The following SGIP1 variants were observed in gnomAD, a reference collection of about 807,000 sequenced individuals.
SGIP1 encodes the protein SH3-containing GRB2-like protein 3-interacting protein 1.
Under a neutral mutation model 107.5 loss-of-function variants are expected in SGIP1, and 38 were observed. The observed-to-expected ratio is 0.35, with a 90% CI of 0.27 to 0.46. The LOEUF is 0.46. Among genes scored for constraint, SGIP1 ranks in the 20% least tolerant of loss-of-function variants. The probability of loss-of-function intolerance (pLI) is 1.00; values close to 1 mark genes in which losing one functional copy is unlikely to be tolerated. For synonymous variants in SGIP1, 365 were observed against 366.1 expected, an observed-to-expected ratio of 1.00 and a Z score of 0.03; for missense variants, 929 against 1,019.5, an observed-to-expected ratio of 0.91 and a Z score of 1.21.
At chr1:66,655,843 A>G (rs1028755379) in intron 7 of SGIP1, among the ~76,000 whole-genome samples, 6 of 152,156 alleles carry the variant, frequency 3.9e-5, no homozygotes, top group African/African-American at 1.4e-4. Flanking sequence ...CTAGGACATG[A>G]CTGGACACTA....
At chr1:66,635,766 C>A (rs2075655566) in intron 3 of SGIP1, among the ~76,000 whole-genome samples, 178 bp from the exon 4 acceptor site, 1 of 152,114 alleles carries the variant, frequency 6.6e-6, no homozygotes, top group South Asian at 2.1e-4. Context: ...TCATTATGGG[C>A]CCCAAAGTCC....
At chr1:66,560,654 C>A (rs183381782) in intron 1 of SGIP1, among the ~76,000 whole-genome samples, 7 of 152,068 alleles carry the variant, frequency 4.6e-5, no homozygotes, top group African/African-American at 1.7e-4. Flanking sequence ...ACAAGAGATG[C>A]ATTGAGTGTA....
At chr1:66,725,448 C>T (rs2093710697) in intron 19 of SGIP1, among the ~76,000 whole-genome samples, 1 of 152,108 alleles carries the variant, frequency 6.6e-6, no homozygotes, top group African/African-American at 2.4e-5. Flanking sequence ...CATCAATTTC[C>T]CCAGAAAGTA....
chr1:66,710,538 T>A (rs1421220953), intron 18 of SGIP1, among the ~76,000 whole-genome samples: 1 of 152,132 alleles, frequency 6.6e-6, no homozygotes, highest in Non-Finnish European at 1.5e-5. Context: ...CATGAAAGTA[T>A]TTACTTATAA....
rs1417902085 is a variant in SGIP1, at chr1:66,746,936, G to T, written c.*3841G>T. ...TGGTATCATCACTTATTAATGTTTT[G>T]TATCATCACTTATTAATGATTTTGG... On this transcript the variant is annotated 3_prime_UTR_variant, in exon 25 of 25. Coordinates refer to ENST00000371037, the MANE Select transcript of SGIP1 (RefSeq NM_032291.4). 6.6e-6 allele frequency: 1 copy of T among 152,022 alleles called. No individual in the cohort carries two copies. 9.4% of individuals were successfully genotyped at this position (152,022 alleles called of 1,614,324 possible).
intron 18 of SGIP1, among the ~76,000 whole-genome samples, chr1:66,717,650 G>A (rs1320000546): frequency 2.6e-5 from 4 of 152,042 alleles, no homozygotes; most frequent in Middle Eastern, 3.2e-3. Flanking sequence ...AAATAATAAC[G>A]TCCTCAGAGT....
At chr1:66,639,724 T>A in intron 4 of SGIP1, 53 bp from the exon 5 acceptor site, 1 of 1,413,698 alleles carries the variant, frequency 7.1e-7, no homozygotes, top group East Asian at 2.3e-5. Flanking sequence ...TCTTTGTCCC[T>A]TTGTTTTTAT....
rs566641355 is a variant in SGIP1, at chr1:66,719,397, C to A, written c.1734C>A (p.Asp578Glu). The A allele has an allele frequency of 5.6e-6, 9 of 1,612,504 alleles. No individual in the cohort carries two copies. The South Asian group carries it at 7.7e-5, about 14-fold the overall frequency. ...TCAATGCCTATTTCAAAGGAGCAGA[C>A]CCAAGCAAGTAAGCCTGATACTTGG... is the stretch of plus-strand genomic sequence containing the variant. Reference protein sequence around the residue: ...ETVNAYFKGADPSKCIVKITG... With the variant: ...ETVNAYFKGAEPSKCIVKITG... The change falls in exon 19 of 25, where the codon GAC becomes GAA. Residue 578 changes from aspartate (D) to glutamate (E), a missense_variant. Coordinates refer to ENST00000371037, the MANE Select transcript of SGIP1 (RefSeq NM_032291.4).
At chr1:66,601,413 T>C (rs1449883894) in intron 1 of SGIP1, among the ~76,000 whole-genome samples, 1 of 151,952 alleles carries the variant, frequency 6.6e-6, no homozygotes, top group Non-Finnish European at 1.5e-5. Context: ...AGTAAAAAGA[T>C]TCTGCTAAAA....
At chr1:66,687,242 T>C (rs1313833444) in intron 15 of SGIP1, among the ~76,000 whole-genome samples, 1 of 151,970 alleles carries the variant, frequency 6.6e-6, no homozygotes, top group East Asian at 1.9e-4. Flanking sequence ...ATTTTGGACC[T>C]TTCCTATGCA....
rs912237766 is a variant in SGIP1, at chr1:66,561,190, C to A, written c.10+26822C>A. 2.6e-5 allele frequency among the ~76,000 whole-genome samples: 4 copies of A among 152,030 alleles called. No individual in the cohort carries two copies. In the East Asian group the frequency reaches 7.7e-4, roughly 29 times the overall value. ...AAGTCACAGAAATATAATTTTTCTCCTTTTACAGATGACAAAACTGAAGGA... is the reference window on the plus strand; with the variant it reads ...AAGTCACAGAAATATAATTTTTCTCATTTTACAGATGACAAAACTGAAGGA... On this transcript the variant is annotated intron_variant, in intron 1 of 24. Coordinates refer to ENST00000371037, the MANE Select transcript of SGIP1 (RefSeq NM_032291.4).
chr1:66,734,086 CA>C (rs1298337509), intron 21 of SGIP1, among the ~76,000 whole-genome samples: 1 of 151,974 alleles, frequency 6.6e-6, no homozygotes, highest in Non-Finnish European at 1.5e-5. Flanking sequence ...TTTAAGCTTA[CA>C]AGTAAAATAT....
intron 17 of SGIP1, chr1:66,695,127 C>G: frequency 2.1e-6 from 1 of 466,980 alleles, no homozygotes; most frequent in East Asian, 3.2e-5. Flanking sequence ...TTAAAATATG[C>G]TGACGCCCCT....
intron 7 of SGIP1, among the ~76,000 whole-genome samples, chr1:66,658,247 G>A (rs1219649681): frequency 6.6e-6 from 1 of 152,102 alleles, no homozygotes; most frequent in Non-Finnish European, 1.5e-5. Flanking sequence ...CCCTTTCTTG[G>A]CCCTTAACTA....
At chr1:66,691,186 G>C (rs1334044986) in intron 17 of SGIP1, among the ~76,000 whole-genome samples, 2 of 152,040 alleles carry the variant, frequency 1.3e-5, no homozygotes, top group Non-Finnish European at 2.9e-5. Flanking sequence ...CTCTTCCATA[G>C]TGTAAACCAC....
intron 1 of SGIP1, among the ~76,000 whole-genome samples, chr1:66,563,697 C>G (rs746732899): frequency 1.3e-5 from 2 of 151,878 alleles, no homozygotes; most frequent in East Asian, 3.9e-4. Context: ...AGAGTTTGTT[C>G]CCCCACCCCC....
chr1:66,726,598 T>C (rs1327893658), intron 19 of SGIP1, among the ~76,000 whole-genome samples: 2 of 152,096 alleles, frequency 1.3e-5, no homozygotes, highest in Non-Finnish European at 2.9e-5. Flanking sequence ...ATAAGGGCAA[T>C]TAGATTTCAA....
chr1:66,678,130 A>T (rs2085807732), intron 13 of SGIP1, among the ~76,000 whole-genome samples: 1 of 152,234 alleles, frequency 6.6e-6, no homozygotes, highest in Non-Finnish European at 1.5e-5. Context: ...TGTATTTTTA[A>T]AATATTTGAA....
intron 15 of SGIP1, among the ~76,000 whole-genome samples, chr1:66,683,346 A>G (rs2150015345): frequency 6.6e-6 from 1 of 152,322 alleles, no homozygotes; most frequent in Non-Finnish European, 1.5e-5. Flanking sequence ...GAGGCAATAA[A>G]GTGTAAGGTA....
Sources: allele counts gnomAD v4.1 joint callset (sites outside exome capture counted in the v4.1 genomes callset), GRCh38; gene constraint gnomAD v4.1.1; transcripts MANE v1.5; gene names NCBI Gene and HGNC (gene_info 2026-07-23, HGNC 2026-07-21).